The following PRELID2 variants were observed in gnomAD, a reference collection of about 807,000 sequenced individuals.
The protein encoded by PRELID2 is PRELI domain-containing protein 2.
PRELID2 carries 25 observed loss-of-function variants against 28.4 expected under a neutral mutation model. The ratio of observed to expected loss-of-function variants is 0.88; its 90% CI spans 0.64 to 1.23. PRELID2 has a LOEUF of 1.23. PRELID2 is among the 50% of genes most tolerant of loss of function. The probability of loss-of-function intolerance (pLI) is 0.00; values close to 1 mark genes in which losing one functional copy is unlikely to be tolerated. For missense variants in PRELID2, 201 were observed against 214.4 expected, an observed-to-expected ratio of 0.94 and a Z score of 0.39; for synonymous variants, 76 against 71.6, an observed-to-expected ratio of 1.06 and a Z score of -0.31.
chr5:145,627,399 T>A (rs2149656130), intron 1 of PRELID2, among the ~76,000 whole-genome samples: 1 of 152,254 alleles, frequency 6.6e-6, no homozygotes, highest in Admixed American at 6.5e-5. Flanking sequence ...CAATGTACCC[T>A]ATTCAGATGA....
the PRELID2 span, among the ~76,000 whole-genome samples, chr5:145,319,794 G>T: frequency 1.3e-5 from 2 of 152,170 alleles, no homozygotes; most frequent in African/African-American, 4.8e-5. Flanking sequence ...TTAGTTTCTT[G>T]AAGCTGAGCA....
At chr5:145,394,510 C>A in the PRELID2 span, among the ~76,000 whole-genome samples, 2 of 151,772 alleles carry the variant, frequency 1.3e-5, no homozygotes, top group Non-Finnish European at 2.9e-5. Context: ...TGCAGCACAC[C>A]AACATGGCAC....
chr5:145,317,454 G>T, the PRELID2 span, among the ~76,000 whole-genome samples: 1 of 152,190 alleles, frequency 6.6e-6, no homozygotes, highest in Non-Finnish European at 1.5e-5. Context: ...TCCTGAGCCT[G>T]TTGGCCCTCA....
chr5:145,362,941 T>C, the PRELID2 span, among the ~76,000 whole-genome samples: 1 of 151,688 alleles, frequency 6.6e-6, no homozygotes, highest in Non-Finnish European at 1.5e-5. Flanking sequence ...ACACCATGGG[T>C]CACCCTACCT....
At chr5:145,459,351 T>C in the PRELID2 span, among the ~76,000 whole-genome samples, 1 of 152,196 alleles carries the variant, frequency 6.6e-6, no homozygotes, top group Non-Finnish European at 1.5e-5. Context: ...TACTAGAATT[T>C]CCCTTTTCAC....
chr5:145,587,596 AATTTGGCTTTTCTAT>A (rs1343469063), intron 1 of PRELID2, among the ~76,000 whole-genome samples: 1 of 152,066 alleles, frequency 6.6e-6, no homozygotes, highest in African/African-American at 2.4e-5. Flanking sequence ...TAAATAGTAA[AATTTGGCTTTTCTAT>A]CGCACTTTGA....
chr5:145,654,861 C>G (rs1262481109), intron 1 of PRELID2, among the ~76,000 whole-genome samples: 4 of 152,134 alleles, frequency 2.6e-5, no homozygotes, highest in African/African-American at 7.2e-5. Flanking sequence ...CCCTCTCTCG[C>G]CACTCCTATT....
intron 1 of PRELID2, among the ~76,000 whole-genome samples, chr5:145,710,654 G>A (rs950532636): frequency 3.9e-5 from 6 of 152,152 alleles, no homozygotes; most frequent in African/African-American, 1.4e-4. Context: ...TGATGCCAGG[G>A]CTCAGACACT....
intron 1 of PRELID2, among the ~76,000 whole-genome samples, chr5:145,683,528 G>C (rs557712969): frequency 8.3e-4 from 126 of 152,190 alleles, no homozygotes; most frequent in African/African-American, 2.9e-3. Flanking sequence ...CTTTCAGATG[G>C]CCACCTTCTC....
At chr5:145,346,285 C>T in the PRELID2 span, among the ~76,000 whole-genome samples, 1 of 152,042 alleles carries the variant, frequency 6.6e-6, no homozygotes, top group Non-Finnish European at 1.5e-5. Context: ...AAGTAAAGCT[C>T]ACATTTGAAT....
At chr5:145,639,524 T>A (rs1041089424) in intron 1 of PRELID2, among the ~76,000 whole-genome samples, 3 of 152,202 alleles carry the variant, frequency 2.0e-5, no homozygotes, top group Admixed American at 6.5e-5. Flanking sequence ...CTTTGGAGTC[T>A]TGGGGCTCAT....
the PRELID2 span, among the ~76,000 whole-genome samples, chr5:145,357,702 G>C: frequency 6.6e-6 from 1 of 151,956 alleles, no homozygotes; most frequent in Non-Finnish European, 1.5e-5. Context: ...CCTGAATGTC[G>C]ATGATCTTTG....
chr5:145,264,964 A>T, the PRELID2 span, among the ~76,000 whole-genome samples: 3 of 136,072 alleles, frequency 2.2e-5, no homozygotes, highest in Non-Finnish European at 4.6e-5. Context: ...ACAAGAGTGC[A>T]ACTCTAAAAA....
At chr5:145,802,782 A>G (rs1753220202) in intron 4 of PRELID2, among the ~76,000 whole-genome samples, 1 of 152,210 alleles carries the variant, frequency 6.6e-6, no homozygotes, top group East Asian at 1.9e-4. Flanking sequence ...CTCAAATCCC[A>G]GAACACCTTT....
intron 1 of PRELID2, among the ~76,000 whole-genome samples, chr5:145,681,308 G>C (rs930996375): frequency 6.6e-6 from 1 of 152,058 alleles, no homozygotes; most frequent in African/African-American, 2.4e-5. Flanking sequence ...CCATGGAATG[G>C]CCCTCTATTT....
chr5:145,662,220 G>T (rs1162511208), intron 1 of PRELID2, among the ~76,000 whole-genome samples: 1 of 151,972 alleles, frequency 6.6e-6, no homozygotes, highest in African/African-American at 2.4e-5. Context: ...CCGTTCTTTG[G>T]CAACAAGTAA....
intron 1 of PRELID2, among the ~76,000 whole-genome samples, chr5:145,719,316 T>G (rs1755924986): frequency 6.6e-6 from 1 of 151,844 alleles, no homozygotes; most frequent in East Asian, 1.9e-4. Flanking sequence ...GACTGCAGGC[T>G]TTAAGATGTG....
intron 1 of PRELID2, among the ~76,000 whole-genome samples, chr5:145,604,009 G>C (rs1753456923): frequency 6.6e-6 from 1 of 151,536 alleles, no homozygotes; most frequent in Non-Finnish European, 1.5e-5. Context: ...TAATAAGACA[G>C]GTTTCAGATA....
At chr5:145,417,745 C>G in the PRELID2 span, among the ~76,000 whole-genome samples, 2 of 152,066 alleles carry the variant, frequency 1.3e-5, no homozygotes, top group Non-Finnish European at 2.9e-5. Flanking sequence ...AGGGACATAT[C>G]TCAAAATAAT....
Sources: gnomAD v4.1 joint callset for allele counts (sites outside exome capture counted in the v4.1 genomes callset) on GRCh38, gnomAD v4.1.1 for gene constraint, MANE v1.5 for transcripts, NCBI Gene and HGNC (gene_info 2026-07-23, HGNC 2026-07-21) for gene names.